RHOBTB2: variants seen among roughly 807,000 people sequenced by gnomAD.
RHOBTB2 encodes the protein Rho related BTB domain containing 2.
RHOBTB2 carries 39 observed loss-of-function variants against 66.5 expected under a neutral mutation model. The observed-to-expected ratio is 0.59, with a 90% confidence interval of 0.45 to 0.77. The LOEUF (loss-of-function observed/expected upper bound fraction) is 0.77, where lower values mean the gene tolerates loss of function less well. Ranked by LOEUF, RHOBTB2 falls within the 30% of genes least tolerant of loss-of-function variation. The pLI is 0.00. For synonymous variants in RHOBTB2, 390 were observed against 395.0 expected (o/e 0.99, Z 0.15); for missense variants, 755 against 999.1 (o/e 0.76, Z 3.29).
the RHOBTB2 span, among the ~76,000 whole-genome samples, chr8:22,956,193 CA>C: frequency 6.6e-6 from 1 of 152,164 alleles, no homozygotes; most frequent in Admixed American, 6.5e-5. Context: ...GAACAGTTAC[CA>C]AAGCTAGGAC....
chr8:23,010,609 C>G lies in RHOBTB2; in HGVS notation c.1692C>G (p.Thr564=), dbSNP rs1384262432. The change falls in exon 7 of 10, where the codon ACC becomes ACG. Residue 564 remains threonine (T), a synonymous_variant. Transcript: ENST00000251822. ...VLEYLYTGMF[T]SSPDLDDMKL... ...AATACCTCTACACCGGCATGTTCAC[C>G]TCCAGCCCCGACCTGGATGACATGA... is the stretch of plus-strand genomic sequence containing the variant. 3.7e-6 allele frequency: 6 copies of G among 1,614,106 alleles called. No individual in the cohort carries two copies. The African/African-American group carries it at 8.0e-5, about 22-fold the overall frequency.
Position 23,007,178 on chromosome 8 carries a change from A to AG in RHOBTB2, c.938dup (p.Thr314HisfsTer11). 1 of 1,604,274 alleles carries AG rather than the reference A, an allele frequency of 6.2e-7. No individual in the cohort carries two copies. Reference sequence around the variant, plus strand: ...GGGAGCTGGGGGGCCCCTCGGAGCCAGGGGGCACCCACCCAGAGGACCACC... The same window carrying AG: ...GGGAGCTGGGGGGCCCCTCGGAGCCAGGGGGGCACCCACCCAGAGGACCACC... On this transcript the variant is annotated frameshift_variant, in exon 5 of 10. Transcript: ENST00000251822. LOFTEE classifies it high-confidence loss of function.
Position 23,019,931 on chromosome 8 carries a change from T to TCATTA in RHOBTB2, c.*2462_*2463insCATTA. The TCATTA allele has an allele frequency of 4.0e-6, 1 of 251,936 alleles. No homozygotes were observed. Among genetic ancestry groups the TCATTA allele is most frequent in the South Asian group, 4.5e-5 (1 of 22,354 alleles). The allele number at this position is 251,936 out of a possible 1,614,324, so 15.6% of individuals were successfully genotyped here. Reference sequence around the variant, plus strand: ...GCAGGAGAGAGAGGGGAAGGAGGTATGAATCCCAGTCCCCAGGAACCTAGC... The same window carrying TCATTA: ...GCAGGAGAGAGAGGGGAAGGAGGTATCATTAGAATCCCAGTCCCCAGGAACCTAGC... On this transcript the variant is annotated 3_prime_UTR_variant, in exon 10 of 10. Coordinates refer to ENST00000251822, the MANE Select transcript of RHOBTB2 (RefSeq NM_015178.3).
At chr8:22,996,949 G>C (rs1299341338), upstream of RHOBTB2, among the ~76,000 whole-genome samples, 1 of 152,178 alleles carries the variant, frequency 6.6e-6, no homozygotes, top group Non-Finnish European at 1.5e-5. Context: ...TTGAATAGCA[G>C]AGTGGGGGTC....
intron 5 of RHOBTB2, 85 bp downstream of exon 5, chr8:23,007,831 G>A (rs1415174905): frequency 1.9e-6 from 3 of 1,545,314 alleles, no homozygotes; most frequent in Non-Finnish European, 2.7e-6. Flanking sequence ...GTGTCCTGGA[G>A]CTGCGGCTGC....
Position 23,005,398 on chromosome 8 carries a change from A to T in RHOBTB2, c.219A>T (p.Val73=). ...TGCTGGAACGCTCCCGAGACGTGGT[A>T]GATGATGTCAGCGTCTCTCTGCGCC... ...QEVLERSRDV[V]DDVSVSLRLW... Residue 73 remains valine (V), a synonymous_variant, in exon 3 of 10, where the codon GTA becomes GTT. Transcript: ENST00000251822. 2.5e-6 allele frequency: 4 copies of T among 1,613,870 alleles called. No homozygotes were observed. Among genetic ancestry groups the T allele is most frequent in the Non-Finnish European group, 3.4e-6 (4 of 1,179,798 alleles).
At chr8:22,957,368 A>T in the RHOBTB2 span, among the ~76,000 whole-genome samples, 55 of 152,194 alleles carry the variant, frequency 3.6e-4, no homozygotes, top group East Asian at 3.3e-3. Context: ...TTATGCAAAT[A>T]TCCTCTTTCT....
intron 1 of RHOBTB2, among the ~76,000 whole-genome samples, chr8:23,003,117 C>G (rs1810834140): frequency 6.6e-6 from 1 of 152,126 alleles, no homozygotes; most frequent in South Asian, 2.1e-4. Flanking sequence ...GCTGCTAAAG[C>G]CCCCCCAGAC....
chr8:23,002,307 G>C (rs1179836236), intron 1 of RHOBTB2, among the ~76,000 whole-genome samples: 2 of 152,184 alleles, frequency 1.3e-5, no homozygotes, highest in Non-Finnish European at 2.9e-5. Context: ...TCCTCAACTT[G>C]AGATCAGGAA....
At chr8:22,992,842 T>TTCC (rs1810457077) in intron 2 of RHOBTB2, among the ~76,000 whole-genome samples, 1 of 152,254 alleles carries the variant, frequency 6.6e-6, no homozygotes. Flanking sequence ...CAGCTGTGAC[T>TTCC]TCCTGGGAGG....
the RHOBTB2 span, among the ~76,000 whole-genome samples, chr8:22,956,907 G>A: frequency 3.9e-5 from 6 of 152,186 alleles, no homozygotes; most frequent in South Asian, 4.2e-4. Flanking sequence ...TGATCCACCC[G>A]CCTCGGCCTC....
intron 8 of RHOBTB2, 27 bp downstream of exon 8, chr8:23,014,805 A>C: frequency 6.3e-7 from 1 of 1,579,696 alleles, no homozygotes; most frequent in Non-Finnish European, 8.7e-7. Context: ...GGGAATCTAC[A>C]ACAGTCTCAG....
upstream of RHOBTB2, among the ~76,000 whole-genome samples, chr8:22,983,113 C>T (rs1810237111): frequency 6.6e-6 from 1 of 152,110 alleles, no homozygotes; most frequent in Non-Finnish European, 1.5e-5. Context: ...AACTGTCCAG[C>T]AAGTTAGACT....
chr8:23,016,024 G>T (rs995924978), intron 9 of RHOBTB2, among the ~76,000 whole-genome samples: 2 of 152,184 alleles, frequency 1.3e-5, no homozygotes, highest in Non-Finnish European at 2.9e-5. Flanking sequence ...AATACCGTAA[G>T]AAATACATTT....
the RHOBTB2 span, among the ~76,000 whole-genome samples, chr8:22,958,802 GAAA>G: frequency 4.6e-4 from 24 of 52,180 alleles, no homozygotes; most frequent in East Asian, 6.5e-3. Flanking sequence ...GCCCCTCTCT[GAAA>G]AAAAAAAAAA....
In RHOBTB2 at chr8:22,991,247, C is replaced by A. The variant is rs558417829; in HGVS notation, c.-136-821C>A. On this transcript the variant is annotated intron_variant, in intron 1 of 11. Transcript: ENST00000519685. ...ACTTCTGGCCGGCTTTCCCTGCCCT[C>A]GTCCATCCAGGGCCCATCCAGCCTT... Among the ~76,000 whole-genome samples the A allele has an allele frequency of 2.0e-3, 308 of 152,264 alleles. 1 individual carries two copies. The highest frequency in any genetic ancestry group is 3.5e-3 in the Non-Finnish European group (240 of 68,018).
chr8:22,962,461 C>A, the RHOBTB2 span, among the ~76,000 whole-genome samples: 28 of 152,142 alleles, frequency 1.8e-4, no homozygotes, highest in African/African-American at 2.7e-4. Context: ...GAGGATATGG[C>A]AGTTCCAAGA....
Position 23,007,709 on chromosome 8 carries a change from C to G in RHOBTB2, c.1464C>G (p.Asn488Lys), listed in dbSNP as rs749789347. Reference protein sequence around the residue: ...ITKAFHVRRTNRVKECLAKGT... With the variant: ...ITKAFHVRRTKRVKECLAKGT... ...AGGCCTTCCACGTCCGCCGGACCAA[C>G]CGGGTTAAGGAGTGCTTGGCAAAAG... is the stretch of plus-strand genomic sequence containing the variant. Residue 488 changes from asparagine (N) to lysine (K), a missense_variant, in exon 5 of 10, where the codon AAC becomes AAG. Asn to Lys is a moderately conservative substitution (Grantham distance 94). Around this residue, in one of 7 missense-constraint regions of RHOBTB2, gnomAD observed 353 missense variants for 458.2 expected, o/e 0.77. Coordinates refer to ENST00000251822, the MANE Select transcript of RHOBTB2 (RefSeq NM_015178.3). The G allele has an allele frequency of 6.2e-7, 1 of 1,614,186 alleles. No homozygotes were observed. Among genetic ancestry groups the G allele is most frequent in the East Asian group, 2.2e-5 (1 of 44,880 alleles).
chr8:22,995,941 A>T (rs559337361), upstream of RHOBTB2: 6 of 1,496,458 alleles, frequency 4.0e-6, no homozygotes, highest in African/African-American at 8.3e-5. Context: ...GGGAAGGTGC[A>T]GGTTGGAGGA....
Sources: allele counts gnomAD v4.1 joint callset (sites outside exome capture counted in the v4.1 genomes callset), GRCh38; gene constraint gnomAD v4.1.1; regional missense constraint gnomAD v4.1.1; transcripts MANE v1.5; gene names NCBI Gene and HGNC (gene_info 2026-07-23, HGNC 2026-07-21).